Variants in ENPP2 observed in about 807,000 individuals in gnomAD.
ENPP2 encodes ectonucleotide pyrophosphatase/phosphodiesterase 2, also known as autotaxin.
Under a neutral mutation model 120.2 loss-of-function variants are expected in ENPP2, and 51 were observed. The ratio of observed to expected loss-of-function variants is 0.42; its 90% CI spans 0.34 to 0.54. ENPP2 has a LOEUF of 0.54. Among genes scored for constraint, ENPP2 ranks in the 20% least tolerant of loss-of-function variants. The pLI is 0.04. For synonymous variants in ENPP2, 365 were observed against 366.4 expected, an observed-to-expected ratio of 1.00 and a Z score of 0.04; for missense variants, 920 against 1,066.5, an observed-to-expected ratio of 0.86 and a Z score of 1.91.
chr8:119,590,914 C>A (rs1277704508), intron 12 of ENPP2, among the ~76,000 whole-genome samples: 1 of 138,242 alleles, frequency 7.2e-6, no homozygotes, highest in Non-Finnish European at 1.5e-5. Context: ...AATAGCAAGA[C>A]AAAGGAAGTC....
intron 1 of ENPP2, among the ~76,000 whole-genome samples, chr8:119,671,625 G>T (rs1394460719): frequency 6.6e-6 from 1 of 152,182 alleles, no homozygotes; most frequent in Admixed American, 6.5e-5. Flanking sequence ...GGAAGAGCAG[G>T]CCTGGGAGAA....
intron 9 of ENPP2, among the ~76,000 whole-genome samples, chr8:119,601,701 G>C (rs1814322837): frequency 6.6e-6 from 1 of 152,102 alleles, no homozygotes; most frequent in South Asian, 2.1e-4. Context: ...CTGATTCACA[G>C]TCAGAATGAG....
chr8:119,574,472 C>T (rs1404434130), intron 19 of ENPP2, among the ~76,000 whole-genome samples: 6 of 151,818 alleles, frequency 4.0e-5, no homozygotes, highest in Admixed American at 1.3e-4. Context: ...CCCCAGTTCC[C>T]TGTTTACAAT....
chr8:119,568,346 G>A (rs1814653386), intron 21 of ENPP2, 94 bp from the exon 22 acceptor site: 3 of 724,818 alleles, frequency 4.1e-6, no homozygotes, highest in Non-Finnish European at 4.9e-6. Context: ...TTCTTAAATG[G>A]TCCAAACAAC....
At chr8:119,646,279 A>G (rs1284923152) in intron 1 of ENPP2, among the ~76,000 whole-genome samples, 1 of 152,076 alleles carries the variant, frequency 6.6e-6, no homozygotes, top group Non-Finnish European at 1.5e-5. Flanking sequence ...TTTTCCTCCT[A>G]AACTTAAAAC....
chr8:119,604,945 T>A (rs185601701), intron 9 of ENPP2, among the ~76,000 whole-genome samples: 3,217 of 151,430 alleles, frequency 0.021, 51 homozygotes, highest in Middle Eastern at 0.034. Flanking sequence ...GGCTAATTTT[T>A]TGTATTTTTA....
At position 119,628,554 on chromosome 8, in the gene ENPP2, T is replaced by C. The variant is rs1017960096; in HGVS notation, c.137-1834A>G. On this transcript the variant is annotated intron_variant, in intron 2 of 24. Coordinates refer to ENST00000075322, the MANE Select transcript of ENPP2 (RefSeq NM_001040092.3). ...AATCGCTATATCCATAAGTGGACTA[T>C]TGCACCGTAAGAGGACTATTGCACA... is the stretch of plus-strand genomic sequence containing the variant. Among the ~76,000 whole-genome samples the C allele has an allele frequency of 8.5e-5, 13 of 152,134 alleles. 1 individual carries two copies. The highest frequency in any genetic ancestry group is 5.2e-4 in the Admixed American group (8 of 15,252).
chr8:119,602,891 G>A (rs1301220992), intron 9 of ENPP2, among the ~76,000 whole-genome samples: 2 of 152,142 alleles, frequency 1.3e-5, no homozygotes, highest in Non-Finnish European at 2.9e-5. Context: ...AGAGAGCTGG[G>A]AGAAGGATAA....
In ENPP2 at chr8:119,580,165, G is replaced by A; in HGVS notation, c.1731C>T (p.Asn577=). 5.0e-6 allele frequency: 8 copies of A among 1,611,966 alleles called. No individual in the cohort carries two copies. The highest frequency in any genetic ancestry group is 6.8e-6 in the Non-Finnish European group (8 of 1,178,054). The part of the protein sequence containing the change: ...CTCDDKVEPK[N]KLDELNKRLH... ...GCCGTTTGTTGAGTTCATCCAACTT[G>A]TTCTTCATGTGTGAAAACCAGTAAA... The change falls in exon 19 of 25, where the codon AAC becomes AAT. Residue 577 remains asparagine, a splice_region_variant and synonymous_variant. Coordinates refer to ENST00000075322, the MANE Select transcript of ENPP2 (RefSeq NM_001040092.3).
In ENPP2 at chr8:119,557,595, G is replaced by A; in HGVS notation, c.2518C>T (p.Arg840Ter). The change falls in exon 25 of 25, where the codon CGA becomes TGA. Residue 840 changes from arginine (R) to a stop codon, truncating the protein, a stop_gained. Coordinates refer to ENST00000075322, the MANE Select transcript of ENPP2 (RefSeq NM_001040092.3). LOFTEE classifies it high-confidence loss of function. Reference sequence around the variant, plus strand: ...TCTGGGTAGCTGCGGCTGGTCTTTCGGAAGAAGTCCAGGCTGGTGAGATGT... The same window carrying A: ...TCTGGGTAGCTGCGGCTGGTCTTTCAGAAGAAGTCCAGGCTGGTGAGATGT... ...IEHLTSLDFF[R>*]KTSRSYPEIL... 2 of 1,612,786 alleles carry A rather than the reference G, an allele frequency of 1.2e-6. No homozygotes were observed. The highest frequency in any genetic ancestry group is 2.2e-5 in the East Asian group (1 of 44,876).
Position 119,570,742 on chromosome 8 carries a change from A to G in ENPP2, c.1880T>C (p.Leu627Pro). ...AGTATATGATGTCCAGAGTGGCATT[A>G]GGAATATTTCACTATAACCACTTTC... ...DFESGYSEIF[L>P]MPLWTSYTVS... Residue 627 changes from leucine (L) to proline (P), a missense_variant, in exon 20 of 25, where the codon CTA (leucine) becomes CCA (proline). Transcript: ENST00000075322. 6.3e-7 allele frequency: 1 copy of G among 1,592,284 alleles called. No homozygotes were observed.
At chr8:119,571,848 C>A (rs1234379599) in intron 19 of ENPP2, 2 of 193,598 alleles carry the variant, frequency 1.0e-5, no homozygotes, top group Non-Finnish European at 2.1e-5. Context: ...TAATTAAAGT[C>A]TTACCATTCT....
Position 119,586,390 on chromosome 8 carries a change from C to T in ENPP2, c.1240-77G>A. 4 of 1,423,562 alleles carry T rather than the reference C, an allele frequency of 2.8e-6. No individual in the cohort carries two copies. In the South Asian group the frequency reaches 4.7e-5, roughly 17 times the overall value. 88.2% of individuals were successfully genotyped at this position (1,423,562 alleles called of 1,614,324 possible). A position where few individuals can be genotyped will look rare whatever the true frequency, so the allele number is the denominator to read the frequency against. On this transcript the variant is annotated intron_variant, in intron 14 of 24. Coordinates refer to ENST00000075322, the MANE Select transcript of ENPP2 (RefSeq NM_001040092.3). Reference sequence around the variant, plus strand: ...TCTTACAAATTCTCTCTCTAGAAAGCTGAAGGAGATTTTAAGCCTAACCAA... The same window carrying T: ...TCTTACAAATTCTCTCTCTAGAAAGTTGAAGGAGATTTTAAGCCTAACCAA...
chr8:119,600,897 T>A (rs1019463155), intron 10 of ENPP2, 147 bp from the exon 11 acceptor site: 3 of 575,790 alleles, frequency 5.2e-6, no homozygotes, highest in Non-Finnish European at 9.2e-6. Flanking sequence ...GAAAAACTTT[T>A]TTTTTTTTCT....
chr8:119,632,402 G>T (rs1195147637), intron 2 of ENPP2, among the ~76,000 whole-genome samples: 1 of 152,224 alleles, frequency 6.6e-6, no homozygotes, highest in Non-Finnish European at 1.5e-5. Flanking sequence ...ATACCTTTAT[G>T]AGATTCAAAT....
intron 24 of ENPP2, among the ~76,000 whole-genome samples, chr8:119,559,587 G>A (rs1031506827): frequency 5.3e-5 from 8 of 152,208 alleles, no homozygotes; most frequent in African/African-American, 1.9e-4. Context: ...AATATCTTCT[G>A]CCTTGATGTT....
At chr8:119,619,378 G>A in intron 4 of ENPP2, 74 bp from the exon 5 acceptor site, 3 of 1,016,522 alleles carry the variant, frequency 3.0e-6, no homozygotes, top group Non-Finnish European at 3.1e-6. Flanking sequence ...ACAATTCCAG[G>A]ATCTGTGTCC....
chr8:119,663,119 C>CAAAAAAAAAAAAAAAAAAAAA (rs34922221), intron 1 of ENPP2, among the ~76,000 whole-genome samples: 1 of 120,432 alleles, frequency 8.3e-6, no homozygotes, highest in Non-Finnish European at 1.7e-5. Context: ...ACTCTTGTCT[C>CAAAAAAAAAAAAAAAAAAAAA]AAAAAAAAAA....
At position 119,633,742 on chromosome 8, in the gene ENPP2, A is replaced by C. The variant is rs182668896; in HGVS notation, c.136+4683T>G. Among the ~76,000 whole-genome samples the C allele has an allele frequency of 3.3e-5, 5 of 152,160 alleles. No individual in the cohort carries two copies. In the East Asian group the frequency reaches 9.6e-4, roughly 29 times the overall value. ...GTCAGTATCTTTGCTTCCTAAATAC[A>C]TAACTTTTTATAAATATCCATTACT... On this transcript the variant is annotated intron_variant, in intron 2 of 24. Transcript: ENST00000075322.
Sources: allele counts gnomAD v4.1 joint callset (sites outside exome capture counted in the v4.1 genomes callset), GRCh38; gene constraint gnomAD v4.1.1; transcripts MANE v1.5; gene names NCBI Gene and HGNC (gene_info 2026-07-23, HGNC 2026-07-21).